Variants in CARD10 observed in about 807,000 individuals in gnomAD.
CARD10 encodes caspase recruitment domain family member 10.
CARD10 carries 49 observed loss-of-function variants against 114.6 expected under a neutral mutation model. The ratio of observed to expected loss-of-function variants is 0.43; its 90% CI spans 0.34 to 0.54. The LOEUF is 0.54. Ranked by LOEUF, CARD10 falls within the 20% of genes least tolerant of loss-of-function variation. The pLI, the probability that CARD10 is intolerant of heterozygous loss-of-function variation, is 0.03. For synonymous variants in CARD10, 602 were observed against 593.2 expected (o/e 1.01, Z -0.21); for missense variants, 1,206 against 1,397.2 (o/e 0.86, Z 2.18).
At position 37,516,238 on chromosome 22, in the gene CARD10, T is replaced by C; in HGVS notation, c.434A>G (p.Glu145Gly). The C allele has an allele frequency of 6.2e-7, 1 of 1,605,894 alleles. No homozygotes were observed. Among genetic ancestry groups the C allele is most frequent in the African/African-American group, 1.3e-5 (1 of 74,962 alleles). ...CCGCTGCAGCTGGCTCTTGCGAGCT[T>C]CCCGCAGCCGTCGCACCTCTGTCAT... is the stretch of plus-strand genomic sequence containing the variant. ...FLMTEVRRLR[E>G]ARKSQLQREQ... The change falls in exon 3 of 20, where the codon GAA becomes GGA. Residue 145 changes from glutamate to glycine, a missense_variant. Glu to Gly is a moderately conservative substitution (Grantham distance 98). Coordinates refer to ENST00000251973, the MANE Select transcript of CARD10 (RefSeq NM_014550.4).
At chr22:37,518,677 C>A (rs1429693891) in intron 1 of CARD10, among the ~76,000 whole-genome samples, 2 of 152,218 alleles carry the variant, frequency 1.3e-5, no homozygotes, top group East Asian at 3.9e-4. Flanking sequence ...CCAGGCCCAG[C>A]CGGCCCTGGC....
chr22:37,497,357 T>G, intron 11 of CARD10, 179 bp from the exon 12 acceptor site: 4 of 652,270 alleles, frequency 6.1e-6, no homozygotes. Context: ...CTGATCATCC[T>G]TCAAATCTCA....
Position 37,502,664 on chromosome 22 carries a change from C to T in CARD10, c.1725G>A (p.Val575=), listed in dbSNP as rs767798447. Residue 575 remains valine, a synonymous_variant, in exon 11 of 20, where the codon GTG becomes GTA. Coordinates refer to ENST00000251973, the MANE Select transcript of CARD10 (RefSeq NM_014550.4). ...GGCCTTCCGGCTTTCCCAAAGGCCA[C>T]ACGCTGTCAGAGGATGAGGACGAAG... ...GLSSSSSSDS[V]WPLGKPEGLL... The T allele has an allele frequency of 3.7e-6, 6 of 1,613,846 alleles. No homozygotes were observed. Among genetic ancestry groups the T allele is most frequent in the Non-Finnish European group, 4.2e-6 (5 of 1,179,988 alleles).
In CARD10 at chr22:37,494,176, C is replaced by T. The variant is rs1922908258; in HGVS notation, c.2386G>A (p.Ala796Thr). The T allele has an allele frequency of 6.4e-7, 1 of 1,554,140 alleles. No individual in the cohort carries two copies. The highest frequency in any genetic ancestry group is 8.7e-7 in the Non-Finnish European group (1 of 1,148,830). Residue 796 changes from alanine to threonine, a missense_variant, in exon 16 of 20, where the codon GCC becomes ACC. Ala to Thr is a moderately conservative substitution (Grantham distance 58). Coordinates refer to ENST00000251973, the MANE Select transcript of CARD10 (RefSeq NM_014550.4). ...RGPRSNLKKR[A>T]LDQLRLVRPK... ...CTCACCAGCCGCAGCTGGTCCAGGG[C>T]TCTCTTCTTCAGCTGGGAGGGTGCA...
intron 3 of CARD10, among the ~76,000 whole-genome samples, chr22:37,512,465 C>CCA (rs36080549): frequency 0.17 from 19,600 of 112,746 alleles, 2,302 homozygotes; most frequent in Admixed American, 0.27. Flanking sequence ...AGCCCCCCCT[C>CCA]CACACACACA....
In CARD10 at chr22:37,496,231, A is replaced by G. The variant is rs1366260108; in HGVS notation, c.2059+218T>C. 6.6e-6 allele frequency among the ~76,000 whole-genome samples: 1 copy of G among 152,170 alleles called. No homozygotes were observed. The highest frequency in any genetic ancestry group is 2.4e-5 in the African/African-American group (1 of 41,456). On this transcript the variant is annotated intron_variant, in intron 13 of 19. Transcript: ENST00000251973. This position sits in a 1 kb window ranked among gnomAD's most constrained non-coding sequence, Gnocchi z 4.1. ...TCAAACCCAGGTCTCTGGACTCCTA[A>G]TGTAGTGCTCCTTTCACTGTAAGCT...
In CARD10 at chr22:37,491,139, G is replaced by A; in HGVS notation, c.*20C>T. On this transcript the variant is annotated 3_prime_UTR_variant, in exon 20 of 20. Transcript: ENST00000251973. ...GGGTCCACGCTGGCTTGGGGAGAAG[G>A]TGCAGGTATCAGATGAGCCTCAGGC... 2 of 1,528,186 alleles carry A rather than the reference G, an allele frequency of 1.3e-6. No individual in the cohort carries two copies. The highest frequency in any genetic ancestry group is 1.2e-5 in the South Asian group (1 of 83,638). The allele number at this position is 1,528,186 out of a possible 1,614,324, so 94.7% of individuals were successfully genotyped here. A position where few individuals can be genotyped will look rare whatever the true frequency, so the allele number is the denominator to read the frequency against.
At position 37,492,443 on chromosome 22, in the gene CARD10, CA is replaced by C; in HGVS notation, c.2742del (p.Val915LeufsTer32). On this transcript the variant is annotated frameshift_variant, in exon 18 of 20. Transcript: ENST00000251973. LOFTEE classifies it high-confidence loss of function. The surrounding 1 kb of genome is among the most constrained non-coding windows in gnomAD (Gnocchi z 5.7). ...CAGCCCCCAGCACCCACCTTCCCAACAGACTCCTGGATGGCCCGGATCCTGC... is the reference window on the plus strand; with the variant it reads ...CAGCCCCCAGCACCCACCTTCCCAACGACTCCTGGATGGCCCGGATCCTGC... ...LGSRIRAIQESVGKKHCLLEL... is the reference protein window; with the variant it reads ...LGSRIRAIQEXVGKKHCLLEL... The C allele has an allele frequency of 6.4e-7, 1 of 1,565,230 alleles. No homozygotes were observed. The highest frequency in any genetic ancestry group is 8.7e-7 in the Non-Finnish European group (1 of 1,154,446).
At chr22:37,508,185 C>T (rs1240551828) in intron 5 of CARD10, among the ~76,000 whole-genome samples, 4 of 152,164 alleles carry the variant, frequency 2.6e-5, no homozygotes, top group African/African-American at 9.7e-5. Flanking sequence ...ATCCGGCCAC[C>T]CTTGGCCTCC....
chr22:37,511,394 G>C (rs1044054370), intron 3 of CARD10, among the ~76,000 whole-genome samples: 1 of 139,654 alleles, frequency 7.2e-6, no homozygotes, highest in Non-Finnish European at 1.5e-5. Context: ...GAAGGAGAAG[G>C]GGGTGAGGAG....
At chr22:37,495,314 C>G (rs1463556752) in intron 15 of CARD10, among the ~76,000 whole-genome samples, 3 of 152,198 alleles carry the variant, frequency 2.0e-5, no homozygotes. Flanking sequence ...ACTAGGCACG[C>G]TTTACCTCAT....
At chr22:37,502,844 G>A in intron 10 of CARD10, 119 bp from the exon 11 acceptor site, 1 of 1,188,970 alleles carries the variant, frequency 8.4e-7, no homozygotes, top group Non-Finnish European at 1.2e-6. Context: ...GAGGCCCCAG[G>A]AGCACATCAG....
chr22:37,512,437 T>C (rs1923684733), intron 3 of CARD10, among the ~76,000 whole-genome samples: 1 of 135,890 alleles, frequency 7.4e-6, no homozygotes, highest in African/African-American at 2.9e-5. Flanking sequence ...TTCCCCAGCC[T>C]TGAGAGGTTA....
chr22:37,492,343 C>A lies in CARD10; in HGVS notation c.2751+92G>T, dbSNP rs958336740. The A allele has an allele frequency of 2.1e-6, 2 of 951,886 alleles. No homozygotes were observed. The highest frequency in any genetic ancestry group is 3.1e-6 in the Non-Finnish European group (2 of 650,024). The allele number at this position is 951,886 out of a possible 1,614,324, so 59.0% of individuals were successfully genotyped here. ...CCTGCCAGTGAGCAGCAGAGCATGG[C>A]CCGCGCTCAGACGCTGGCGCTCAAG... On this transcript the variant is annotated intron_variant, in intron 18 of 19. Transcript: ENST00000251973. The surrounding 1 kb of genome is among the most constrained non-coding windows in gnomAD (Gnocchi z 5.7).
In CARD10 at chr22:37,519,052, T is replaced by C; in HGVS notation, c.149A>G (p.Tyr50Cys). The C allele has an allele frequency of 6.3e-7, 1 of 1,595,522 alleles. No individual in the cohort carries two copies. Among genetic ancestry groups the C allele is most frequent in the Non-Finnish European group, 8.5e-7 (1 of 1,177,550 alleles). The change falls in exon 1 of 20, where the codon TAT becomes TGT. Residue 50 changes from tyrosine (Y) to cysteine (C), a missense_variant. Tyr to Cys is a radical substitution (Grantham distance 194). This residue lies in a region of CARD10 where 138 missense variants were observed against 218.0 expected (regional missense o/e 0.63). Coordinates refer to ENST00000251973, the MANE Select transcript of CARD10 (RefSeq NM_014550.4). The surrounding 1 kb of genome is among the most constrained non-coding windows in gnomAD (Gnocchi z 4.1). ...GTCGATGACCCGGCACTGGCGCAGA[T>C]ACGGCGTGAGCTTGGCCGGGTTCAG... ...RALNPAKLTP[Y>C]LRQCRVIDEQ...
rs761759300 is a variant in CARD10 at position 37,491,334 on chromosome 22, G to C, written c.2924C>G (p.Ser975Ter). 6.4e-7 allele frequency: 1 copy of C among 1,551,016 alleles called. No homozygotes were observed. The highest frequency in any genetic ancestry group is 1.4e-5 in the African/African-American group (1 of 73,660). Reference protein sequence around the residue: ...DSELLRQCRGSEQVLWGLPCS... With the variant: ...DSELLRQCRG Reference sequence around the variant, plus strand: ...GGGCAGCCCCCAGAGCACCTGCTCTGAGCCACGGCACTGCCGCAGCAGCTC... The same window carrying C: ...GGGCAGCCCCCAGAGCACCTGCTCTCAGCCACGGCACTGCCGCAGCAGCTC... Residue 975 changes from serine (S) to a stop codon, truncating the protein, a stop_gained, in exon 20 of 20, where the codon TCA becomes TGA. Transcript: ENST00000251973. LOFTEE classifies it low-confidence loss of function (END_TRUNC).
At chr22:37,510,620 G>A in intron 3 of CARD10, 199 bp from the exon 4 acceptor site, 2 of 579,736 alleles carry the variant, frequency 3.4e-6, no homozygotes, top group Non-Finnish European at 6.1e-6. Context: ...GGAAGGAGCA[G>A]TGGGTAGCAA....
At chr22:37,516,340 A>C in intron 2 of CARD10, 42 bp from the exon 3 acceptor site, 1 of 1,413,432 alleles carries the variant, frequency 7.1e-7, no homozygotes, top group Admixed American at 2.2e-5. Context: ...AGCTCAGGCA[A>C]GTAAAATCCA....
In CARD10 at chr22:37,492,424, C is replaced by T. The variant is rs1159706518; in HGVS notation, c.2751+11G>A. 1.3e-6 allele frequency: 2 copies of T among 1,540,744 alleles called. No homozygotes were observed. Among genetic ancestry groups the T allele is most frequent in the South Asian group, 2.5e-5 (2 of 81,258 alleles). On this transcript the variant is annotated intron_variant, in intron 18 of 19. Coordinates refer to ENST00000251973, the MANE Select transcript of CARD10 (RefSeq NM_014550.4). The surrounding 1 kb of genome is among the most constrained non-coding windows in gnomAD (Gnocchi z 5.7). ...CTCTGTGAGCACCCCAGGCCAGCCC[C>T]CAGCACCCACCTTCCCAACAGACTC...
Sources: allele counts gnomAD v4.1 joint callset (sites outside exome capture counted in the v4.1 genomes callset), GRCh38; gene constraint gnomAD v4.1.1; regional missense constraint gnomAD v4.1.1; non-coding constraint Gnocchi (gnomAD v3.1); transcripts MANE v1.5; gene names NCBI Gene and HGNC (gene_info 2026-07-23, HGNC 2026-07-21).